Variants in AHI1 observed in about 807,000 individuals in gnomAD.
AHI1 encodes the protein Abelson helper integration site 1.
In AHI1, 123 loss-of-function variants were observed where a neutral mutation model predicts 149.3. The ratio of observed to expected loss-of-function variants is 0.82; its 90% CI spans 0.71 to 0.96. The LOEUF is 0.96. Among genes scored for constraint, AHI1 ranks in the 40% least tolerant of loss-of-function variants. AHI1 has a pLI of 0.00. For synonymous variants in AHI1, 475 were observed against 459.8 expected (o/e 1.03, Z -0.42); for missense variants, 1,439 against 1,422.7 (o/e 1.01, Z -0.18).
chr6:135,445,206 ATAAG>A (rs1431752026), intron 13 of AHI1, among the ~76,000 whole-genome samples: 9 of 152,374 alleles, frequency 5.9e-5, no homozygotes, highest in South Asian at 2.1e-4. Flanking sequence ...ATGAAGATGA[ATAAG>A]TAAGAATAGT....
chr6:135,406,554 C>G (rs1780822745), intron 21 of AHI1, among the ~76,000 whole-genome samples: 1 of 152,096 alleles, frequency 6.6e-6, no homozygotes, highest in South Asian at 2.1e-4. Flanking sequence ...AGCACAGTGC[C>G]AGAAATATAT....
intron 28 of AHI1, among the ~76,000 whole-genome samples, chr6:135,290,211 G>A (rs1782165962): frequency 6.6e-6 from 1 of 151,636 alleles, no homozygotes; most frequent in African/African-American, 2.4e-5. Context: ...TTTCCCTTTG[G>A]GCTGGAGACA....
At chr6:135,456,422 C>T (rs1788957840) in intron 9 of AHI1, among the ~76,000 whole-genome samples, 2 of 151,882 alleles carry the variant, frequency 1.3e-5, no homozygotes, top group South Asian at 4.2e-4. Context: ...CACATGTCTG[C>T]AGTCCCAGCT....
rs545638158 is a variant in AHI1, at chr6:135,328,977, C to T, written c.3166-5653G>A. ...TCTTAAGCCAAAATCCAATTCAGAG[C>T]AAAGCCTTAACTCTCTTCAATTCTA... On this transcript the variant is annotated intron_variant, in intron 24 of 28. Transcript: ENST00000265602. 3.9e-5 allele frequency among the ~76,000 whole-genome samples: 6 copies of T among 152,302 alleles called. No individual in the cohort carries two copies. The South Asian group carries it at 1.2e-3, about 32-fold the overall frequency.
At chr6:135,461,076 A>G (rs1789805860) in intron 8 of AHI1, among the ~76,000 whole-genome samples, 1 of 151,024 alleles carries the variant, frequency 6.6e-6, no homozygotes, top group African/African-American at 2.5e-5. Flanking sequence ...GGACAATACA[A>G]AAATTTCTGT....
intron 24 of AHI1, among the ~76,000 whole-genome samples, chr6:135,355,529 T>C (rs533049449): frequency 6.6e-6 from 1 of 152,298 alleles, no homozygotes; most frequent in African/African-American, 2.4e-5. Context: ...TATAGTACTA[T>C]AGAATCAAAC....
rs530564415 is a variant in AHI1, at chr6:135,437,830, T to C, written c.2036+545A>G. Among the ~76,000 whole-genome samples the C allele has an allele frequency of 3.9e-5, 6 of 152,348 alleles. No individual in the cohort carries two copies. The East Asian group carries it at 9.6e-4, about 24-fold the overall frequency. The stretch of plus-strand genomic sequence containing the variant: ...CTAAAAAAAGTATAAATGAAACTTT[T>C]AAAGTTAGCTTTTAAAATGTTTTAT... On this transcript the variant is annotated intron_variant, in intron 15 of 28. Coordinates refer to ENST00000265602, the MANE Select transcript of AHI1 (RefSeq NM_001134831.2).
At chr6:135,424,326 T>C (rs1783643387) in intron 20 of AHI1, among the ~76,000 whole-genome samples, 2 of 151,892 alleles carry the variant, frequency 1.3e-5, no homozygotes, top group South Asian at 2.1e-4. Flanking sequence ...ACAAACAAAA[T>C]GCTATGTAAG....
At chr6:135,351,519 T>C (rs758036443) in intron 24 of AHI1, among the ~76,000 whole-genome samples, 4 of 152,202 alleles carry the variant, frequency 2.6e-5, no homozygotes, top group Non-Finnish European at 5.9e-5. Context: ...AATCAGGACT[T>C]GACACCAGGT....
rs761237233 is a variant in AHI1, at chr6:135,298,487, C to G, written c.3485+2013G>C. On this transcript the variant is annotated intron_variant, in intron 27 of 28. Transcript: ENST00000265602. ...AAAGAAACAAAAAATTAGCCTCTGT[C>G]CATTTACTTGGGTACAAGAAACTCA... Among the ~76,000 whole-genome samples the G allele has an allele frequency of 5.9e-5, 9 of 152,250 alleles. No homozygotes were observed. The South Asian group carries it at 1.0e-3, about 18-fold the overall frequency.
intron 5 of AHI1, among the ~76,000 whole-genome samples, chr6:135,483,449 C>G (rs949028999): frequency 3.3e-5 from 5 of 151,996 alleles, no homozygotes; most frequent in Non-Finnish European, 5.9e-5. Context: ...GCTATCACTT[C>G]TACAAAAGAA....
chr6:135,378,109 T>C (rs914056026), intron 23 of AHI1, among the ~76,000 whole-genome samples: 4 of 152,218 alleles, frequency 2.6e-5, no homozygotes, highest in Non-Finnish European at 4.4e-5. Context: ...TAGTATAATA[T>C]GCCCTGACTC....
chr6:135,465,763 ATAAC>A, intron 7 of AHI1, 47 bp downstream of exon 7: 1 of 1,378,008 alleles, frequency 7.3e-7, no homozygotes. Flanking sequence ...AAACCTGAAA[ATAAC>A]AGTGTTTTTC....
rs531202247 is a variant in AHI1, at chr6:135,417,111, AG to A, written c.2765-5568del. ...GGAATTTGGAATGTTTAACATTAGT[AG>A]GTGGGTTTCAGGAATAAATAAATAA... On this transcript the variant is annotated intron_variant, in intron 20 of 28. Coordinates refer to ENST00000265602, the MANE Select transcript of AHI1 (RefSeq NM_001134831.2). 3.4e-4 allele frequency among the ~76,000 whole-genome samples: 52 copies of A among 152,232 alleles called. No homozygotes were observed. In the South Asian group the frequency reaches 0.011, roughly 32 times the overall value.
chr6:135,368,363 T>C (rs1163717809), intron 23 of AHI1, among the ~76,000 whole-genome samples: 2 of 152,034 alleles, frequency 1.3e-5, no homozygotes, highest in African/African-American at 4.8e-5. Context: ...TAAGCTGTGG[T>C]AGAATAGGGA....
chr6:135,405,873 AAG>A (rs1272405157), intron 21 of AHI1, among the ~76,000 whole-genome samples: 162 of 151,182 alleles, frequency 1.1e-3, no homozygotes, highest in African/African-American at 3.6e-3. Context: ...AAAAAAAAAA[AAG>A]AAAAAAAAAA....
At chr6:135,485,080 T>TG (rs200347640) in intron 5 of AHI1, among the ~76,000 whole-genome samples, 151 of 151,748 alleles carry the variant, frequency 1.0e-3, no homozygotes, top group Admixed American at 7.6e-3. Context: ...TTTCTTTTTT[T>TG]TTTTTTTTTT....
chr6:135,387,787 C>A, intron 23 of AHI1: 4 of 1,313,922 alleles, frequency 3.0e-6, no homozygotes, highest in Non-Finnish European at 2.9e-6. Flanking sequence ...CCTCCCATAA[C>A]CTCATACTGT....
In AHI1 at chr6:135,465,859, C is replaced by G; in HGVS notation, c.704G>C (p.Arg235Thr). 1 of 1,477,350 alleles carries G rather than the reference C, an allele frequency of 6.8e-7. No individual in the cohort carries two copies. Among genetic ancestry groups the G allele is most frequent in the Admixed American group, 2.5e-5 (1 of 40,526 alleles). The allele number at this position is 1,477,350 out of a possible 1,614,324, so 91.5% of individuals were successfully genotyped here. A position where few individuals can be genotyped will look rare whatever the true frequency, so the allele number is the denominator to read the frequency against. Residue 235 changes from arginine to threonine, a missense_variant, in exon 7 of 29, where the codon AGG becomes ACG. Arg to Thr is a moderately conservative substitution (Grantham distance 71, BLOSUM62 -1). Coordinates refer to ENST00000265602, the MANE Select transcript of AHI1 (RefSeq NM_001134831.2). ...GACTGGAACTTCCTTTTTCTTTTTC[C>G]TTTTTTCACTGCTTAGTTTGTCATC... ...FHDDKLSSEKRKKKKEVPVFS... is the reference protein window; with the variant it reads ...FHDDKLSSEKTKKKKEVPVFS...
Sources: gnomAD v4.1 joint callset for allele counts (sites outside exome capture counted in the v4.1 genomes callset) on GRCh38, gnomAD v4.1.1 for gene constraint, MANE v1.5 for transcripts, NCBI Gene and HGNC (gene_info 2026-07-23, HGNC 2026-07-21) for gene names.